PRKCQ: variants seen among roughly 807,000 people sequenced by gnomAD.
The protein encoded by PRKCQ is protein kinase C theta type.
PRKCQ carries 41 observed loss-of-function variants against 91.2 expected under a neutral mutation model. The ratio of observed to expected loss-of-function variants is 0.45; its 90% CI spans 0.35 to 0.58. PRKCQ has a LOEUF of 0.58. Among genes scored for constraint, PRKCQ ranks in the 20% least tolerant of loss-of-function variants. The pLI is 0.00. For synonymous variants in PRKCQ, 307 were observed against 316.9 expected (o/e 0.97, Z 0.33); for missense variants, 673 against 896.5 (o/e 0.75, Z 3.18).
At chr10:6,397,518 G>C in the PRKCQ span, among the ~76,000 whole-genome samples, 1 of 152,198 alleles carries the variant, frequency 6.6e-6, no homozygotes, top group Non-Finnish European at 1.5e-5. Context: ...TCTCTTGGCT[G>C]TCTCTTCACT....
At chr10:6,447,785 C>A (rs1489714856) in intron 15 of PRKCQ, among the ~76,000 whole-genome samples, 1 of 152,206 alleles carries the variant, frequency 6.6e-6, no homozygotes, top group Non-Finnish European at 1.5e-5. Context: ...GCCACAGAGT[C>A]CCCTCCCTGA....
chr10:6,454,451 T>C (rs956775938), intron 15 of PRKCQ, among the ~76,000 whole-genome samples: 1 of 152,114 alleles, frequency 6.6e-6, no homozygotes, highest in East Asian at 1.9e-4. Flanking sequence ...AGGGAGAGTC[T>C]GAATTCAGTC....
intron 1 of PRKCQ, among the ~76,000 whole-genome samples, chr10:6,555,973 C>T (rs989875746): frequency 5.9e-5 from 9 of 152,180 alleles, no homozygotes; most frequent in African/African-American, 2.2e-4. Context: ...CGTGCCACTG[C>T]ACTGAAGCCT....
chr10:6,411,269 G>A, the PRKCQ span, among the ~76,000 whole-genome samples: 2 of 152,192 alleles, frequency 1.3e-5, no homozygotes, highest in Admixed American at 6.5e-5. Context: ...GGAGATTAAA[G>A]GAGTTGATGT....
chr10:6,516,410 C>T (rs115863860), intron 1 of PRKCQ, among the ~76,000 whole-genome samples: 291 of 152,268 alleles, frequency 1.9e-3, no homozygotes, highest in African/African-American at 6.5e-3. Context: ...TGCTGGGTTC[C>T]GTATCTGTCA....
upstream of PRKCQ, chr10:6,580,498 T>C (rs890628670): frequency 3.3e-5 from 5 of 152,280 alleles, no homozygotes; most frequent in African/African-American, 1.2e-4. Context: ...CTGGCCTCCT[T>C]ACCAGCCACT....
rs1833281842 is a variant in PRKCQ at position 6,429,189 on chromosome 10, G to GGC, written c.1966-829_1966-828dup. 3.3e-5 allele frequency among the ~76,000 whole-genome samples: 5 copies of GGC among 152,336 alleles called. No individual in the cohort carries two copies. In the South Asian group the frequency reaches 6.2e-4, roughly 19 times the overall value. ...CACAGGTCAGGGAAAGTTTCCTACT[G>GGC]GCAGAACTGGGAATGTCCTTTAGGG... is the stretch of plus-strand genomic sequence containing the variant. On this transcript the variant is annotated intron_variant, in intron 17 of 17. Transcript: ENST00000263125.
chr10:6,411,690 G>T, the PRKCQ span, among the ~76,000 whole-genome samples: 1 of 152,276 alleles, frequency 6.6e-6, no homozygotes, highest in South Asian at 2.1e-4. Flanking sequence ...AGACTGTATG[G>T]CTGTCAAAAC....
At chr10:6,555,339 C>T (rs1588419486) in intron 1 of PRKCQ, among the ~76,000 whole-genome samples, 2 of 151,812 alleles carry the variant, frequency 1.3e-5, no homozygotes, top group Non-Finnish European at 2.9e-5. Flanking sequence ...CCATAATAGA[C>T]ATTAACACAG....
chr10:6,509,193 A>T (rs1838346309), intron 3 of PRKCQ, among the ~76,000 whole-genome samples: 1 of 152,232 alleles, frequency 6.6e-6, no homozygotes, highest in Non-Finnish European at 1.5e-5. Flanking sequence ...CTAGAATGCA[A>T]AGAAAAGTCT....
At chr10:6,426,381 C>T (rs1034821420), downstream of PRKCQ, among the ~76,000 whole-genome samples, 1 of 152,180 alleles carries the variant, frequency 6.6e-6, no homozygotes, top group Non-Finnish European at 1.5e-5. Flanking sequence ...CCTCCACTGG[C>T]CCATCCAGGG....
At chr10:6,552,663 C>T (rs1053900093) in intron 1 of PRKCQ, among the ~76,000 whole-genome samples, 1 of 152,098 alleles carries the variant, frequency 6.6e-6, no homozygotes, top group Non-Finnish European at 1.5e-5. Context: ...CACAGGGTCT[C>T]ACTAGGTTGC....
intron 1 of PRKCQ, among the ~76,000 whole-genome samples, chr10:6,519,732 C>A (rs1838920466): frequency 6.6e-6 from 1 of 152,222 alleles, no homozygotes. Context: ...AATGCTACAA[C>A]TGTGCCCCAA....
intron 15 of PRKCQ, among the ~76,000 whole-genome samples, chr10:6,454,748 G>A (rs1209747103): frequency 1.3e-5 from 2 of 152,106 alleles, no homozygotes; most frequent in Non-Finnish European, 2.9e-5. Context: ...GCAGGAAGAA[G>A]TGCAGGTGGG....
chr10:6,428,318 G>A lies in PRKCQ; in HGVS notation c.2010C>T (p.Asn670=), dbSNP rs55675955. 2.4e-5 allele frequency: 38 copies of A among 1,614,042 alleles called. No homozygotes were observed. The East Asian group carries it at 2.9e-4, about 12-fold the overall frequency. ...DCSNFDKEFL[N]EKPRLSFADR... ...CGGCAAATGACAGCCGGGGCTTCTCGTTTAAGAATTCTTTGTCGAAATTGC... is the reference window on the plus strand; with the variant it reads ...CGGCAAATGACAGCCGGGGCTTCTCATTTAAGAATTCTTTGTCGAAATTGC... The change falls in exon 18 of 18, where the codon AAC becomes AAT. Residue 670 remains asparagine, a synonymous_variant. Coordinates refer to ENST00000263125, the MANE Select transcript of PRKCQ (RefSeq NM_006257.5).
chr10:6,504,961 T>C (rs1422062236), intron 4 of PRKCQ, among the ~76,000 whole-genome samples: 1 of 151,958 alleles, frequency 6.6e-6, no homozygotes, highest in Non-Finnish European at 1.5e-5. Context: ...TGGTGCAATC[T>C]TGGCTCACTG....
intron 1 of PRKCQ, among the ~76,000 whole-genome samples, chr10:6,546,133 C>G (rs995052015): frequency 2.6e-5 from 4 of 152,194 alleles, no homozygotes; most frequent in African/African-American, 7.2e-5. Flanking sequence ...TGGTGGGGAA[C>G]TGAGCTCAGA....
chr10:6,474,890 G>A (rs1181669504), intron 12 of PRKCQ, among the ~76,000 whole-genome samples: 2 of 152,118 alleles, frequency 1.3e-5, no homozygotes, highest in South Asian at 2.1e-4. Flanking sequence ...GCTGGCATCC[G>A]CACTGAAGGG....
intron 3 of PRKCQ, 28 bp downstream of exon 3, chr10:6,510,967 T>A (rs1838441345): frequency 6.2e-7 from 1 of 1,612,692 alleles, no homozygotes; most frequent in African/African-American, 1.3e-5. Context: ...GCTTATCCCT[T>A]ATGTGCATAC....
Sources: allele counts gnomAD v4.1 joint callset (sites outside exome capture counted in the v4.1 genomes callset), GRCh38; gene constraint gnomAD v4.1.1; transcripts MANE v1.5; gene names NCBI Gene and HGNC (gene_info 2026-07-23, HGNC 2026-07-21).